Variants in PELI2 observed in about 807,000 individuals in gnomAD.
PELI2 encodes E3 ubiquitin-protein ligase pellino homolog 2.
In PELI2, 23 loss-of-function variants were observed where a neutral mutation model predicts 42.3. The ratio of observed to expected loss-of-function variants is 0.54; its 90% CI spans 0.39 to 0.77. The LOEUF is 0.77. Among genes scored for constraint, PELI2 ranks in the 30% least tolerant of loss-of-function variants. PELI2 has a pLI of 0.00. For synonymous variants in PELI2, 245 were observed against 212.2 expected (o/e 1.15, Z -1.34); for missense variants, 463 against 553.2 (o/e 0.84, Z 1.64).
intron 1 of PELI2, among the ~76,000 whole-genome samples, chr14:56,152,340 G>A (rs1387466086): frequency 6.6e-6 from 1 of 152,190 alleles, no homozygotes; most frequent in Non-Finnish European, 1.5e-5. Flanking sequence ...GGTTATAGGG[G>A]AGGACACATG....
At position 56,300,411 on chromosome 14, in the gene PELI2, TGAG is replaced by T. The variant is rs762374231; in HGVS notation, c.*3249_*3251del. 2.6e-5 allele frequency: 4 copies of T among 152,494 alleles called. No individual in the cohort carries two copies. Among genetic ancestry groups the T allele is most frequent in the Non-Finnish European group, 4.4e-5 (3 of 68,014 alleles). The allele number at this position is 152,494 out of a possible 1,614,324, so 9.4% of individuals were successfully genotyped here. A position where few individuals can be genotyped will look rare whatever the true frequency, so the allele number is the denominator to read the frequency against. On this transcript the variant is annotated 3_prime_UTR_variant, in exon 6 of 6. Coordinates refer to ENST00000267460, the MANE Select transcript of PELI2 (RefSeq NM_021255.3). Reference sequence around the variant, plus strand: ...ATTACATTTACTGTATTGGGAAACTTGAGGAGAACTCTTTAGTTCATAAAGCTT... The same window carrying T: ...ATTACATTTACTGTATTGGGAAACTTGAGAACTCTTTAGTTCATAAAGCTT...
intron 2 of PELI2, among the ~76,000 whole-genome samples, chr14:56,233,942 A>G (rs1887685631): frequency 6.6e-6 from 1 of 152,266 alleles, no homozygotes; most frequent in African/African-American, 2.4e-5. Flanking sequence ...TGGGCGAAGG[A>G]CATGAACAGA....
intron 2 of PELI2, among the ~76,000 whole-genome samples, chr14:56,211,858 G>T (rs1886724736): frequency 6.6e-6 from 1 of 151,744 alleles, no homozygotes; most frequent in Non-Finnish European, 1.5e-5. Context: ...TTTTTAAGAG[G>T]AAAAATACAT....
chr14:56,183,776 A>T (rs1885673089), intron 2 of PELI2, among the ~76,000 whole-genome samples: 1 of 152,212 alleles, frequency 6.6e-6, no homozygotes, highest in African/African-American at 2.4e-5. Context: ...AAGGAACAAC[A>T]TCTGAAATAT....
intron 2 of PELI2, among the ~76,000 whole-genome samples, chr14:56,225,662 T>C (rs1472973174): frequency 4.6e-5 from 7 of 152,188 alleles, no homozygotes; most frequent in Non-Finnish European, 8.8e-5. Flanking sequence ...CATCACCTTT[T>C]CAGGAGTGGT....
intron 5 of PELI2, among the ~76,000 whole-genome samples, chr14:56,292,127 T>C (rs1889849598): frequency 6.6e-6 from 1 of 152,238 alleles, no homozygotes; most frequent in Non-Finnish European, 1.5e-5. Flanking sequence ...ACAGTGCGAC[T>C]GAAAAGAACG....
At chr14:56,190,424 T>C (rs983245933) in intron 2 of PELI2, among the ~76,000 whole-genome samples, 17 of 152,238 alleles carry the variant, frequency 1.1e-4, no homozygotes, top group South Asian at 2.1e-4. Context: ...AACATACATG[T>C]AGAGTTTGAT....
At position 56,273,911 on chromosome 14, in the gene PELI2, C is replaced by A. The variant is rs1284536484; in HGVS notation, c.208-5765C>A. Among the ~76,000 whole-genome samples, 1 of 152,194 alleles carries A rather than the reference C, an allele frequency of 6.6e-6. No homozygotes were observed. The highest frequency in any genetic ancestry group is 1.5e-5 in the Non-Finnish European group (1 of 68,040). On this transcript the variant is annotated intron_variant, in intron 2 of 5. Coordinates refer to ENST00000267460, the MANE Select transcript of PELI2 (RefSeq NM_021255.3). This position sits in a 1 kb window ranked among gnomAD's most constrained non-coding sequence, Gnocchi z 4.3. ...TAGTTCCACGTTTGATTCAGCATCT[C>A]AAAGATGTCAGGGCTCTGAGCCAAC... is the stretch of plus-strand genomic sequence containing the variant.
chr14:56,182,977 A>G (rs1885640930), intron 2 of PELI2, among the ~76,000 whole-genome samples: 1 of 151,892 alleles, frequency 6.6e-6, no homozygotes. Context: ...GCTTCGGGAG[A>G]GTCATCACCT....
At chr14:56,287,397 C>T (rs1214232749) in intron 3 of PELI2, among the ~76,000 whole-genome samples, 2 of 152,272 alleles carry the variant, frequency 1.3e-5, no homozygotes, top group South Asian at 2.1e-4. Flanking sequence ...CAGTCTGAAT[C>T]AGTAGAGTTT....
intron 2 of PELI2, among the ~76,000 whole-genome samples, chr14:56,240,401 C>A (rs1392474283): frequency 6.6e-6 from 1 of 152,076 alleles, no homozygotes; most frequent in Non-Finnish European, 1.5e-5. Context: ...AGGGAGGCAA[C>A]AAGGATGATG....
intron 2 of PELI2, among the ~76,000 whole-genome samples, chr14:56,199,899 G>A (rs1439959719): frequency 1.3e-5 from 2 of 152,224 alleles, no homozygotes; most frequent in African/African-American, 2.4e-5. Context: ...TTGACTTGAT[G>A]TTGATTGAGT....
At chr14:56,255,029 CTG>C (rs1566667295) in intron 2 of PELI2, among the ~76,000 whole-genome samples, 1 of 152,174 alleles carries the variant, frequency 6.6e-6, no homozygotes, top group Non-Finnish European at 1.5e-5. Flanking sequence ...CGCTTTTACA[CTG>C]TTGGTGGGAG....
rs190435624 is a variant in PELI2, at chr14:56,229,813, C to T, written c.208-49863C>T. 1.3e-4 allele frequency among the ~76,000 whole-genome samples: 20 copies of T among 152,138 alleles called. No homozygotes were observed. The East Asian group carries it at 3.3e-3, about 25-fold the overall frequency. On this transcript the variant is annotated intron_variant, in intron 2 of 5. Coordinates refer to ENST00000267460, the MANE Select transcript of PELI2 (RefSeq NM_021255.3). ...TAATAAACTTCTCTGAGCTAAAGGA[C>T]GATGTTCAAACCCATTGCAAAGATG... is the stretch of plus-strand genomic sequence containing the variant.
At chr14:56,220,927 A>G (rs1887105537) in intron 2 of PELI2, among the ~76,000 whole-genome samples, 1 of 152,224 alleles carries the variant, frequency 6.6e-6, no homozygotes, top group African/African-American at 2.4e-5. Flanking sequence ...AGTTTTCAGA[A>G]GCACGTGATT....
intron 2 of PELI2, among the ~76,000 whole-genome samples, chr14:56,275,337 G>C (rs556919352): frequency 1.3e-5 from 2 of 152,264 alleles, no homozygotes; most frequent in African/African-American, 4.8e-5. Context: ...GACCGGGGAG[G>C]CACATGGTTT....
At chr14:56,118,894 C>A (rs1195727598) in intron 1 of PELI2, among the ~76,000 whole-genome samples, 157 bp downstream of exon 1, 1 of 150,580 alleles carries the variant, frequency 6.6e-6, no homozygotes, top group Non-Finnish European at 1.5e-5. Flanking sequence ...GGCGCGGGGG[C>A]GGGATGCGCC....
At chr14:56,216,694 A>G (rs1197104514) in intron 2 of PELI2, among the ~76,000 whole-genome samples, 1 of 152,242 alleles carries the variant, frequency 6.6e-6, no homozygotes, top group Non-Finnish European at 1.5e-5. Flanking sequence ...ACAAGAAAAG[A>G]GCAAAACTCT....
rs1036488443 is a variant in PELI2, at chr14:56,300,530, T to C, written c.*3364T>C. 1 of 152,214 alleles carries C rather than the reference T, an allele frequency of 6.6e-6. No homozygotes were observed. The highest frequency in any genetic ancestry group is 1.5e-5 in the Non-Finnish European group (1 of 68,032). The allele number at this position is 152,214 out of a possible 1,614,324, so 9.4% of individuals were successfully genotyped here. A position where few individuals can be genotyped will look rare whatever the true frequency, so the allele number is the denominator to read the frequency against. ...GTGGACACTTACGAGAGTTTTCTGC[T>C]TAATTGAAGTGTAATATAGGTTGTA... is the stretch of plus-strand genomic sequence containing the variant. On this transcript the variant is annotated 3_prime_UTR_variant, in exon 6 of 6. Transcript: ENST00000267460.
Sources: gnomAD v4.1 joint callset for allele counts (sites outside exome capture counted in the v4.1 genomes callset) on GRCh38, gnomAD v4.1.1 for gene constraint, Gnocchi (gnomAD v3.1) non-coding constraint, MANE v1.5 for transcripts, NCBI Gene and HGNC (gene_info 2026-07-23, HGNC 2026-07-21) for gene names.